Variants in LINGO1 observed in about 807,000 individuals in gnomAD.
LINGO1 encodes the protein leucine rich repeat and Ig domain containing 1, also known as leucine-rich repeat and immunoglobulin-like domain-containing nogo receptor-interacting protein 1.
LINGO1 carries 11 observed loss-of-function variants against 37.3 expected under a neutral mutation model. The observed-to-expected ratio is 0.29, with a 90% CI of 0.19 to 0.49. The LOEUF is 0.49. Ranked by LOEUF, LINGO1 falls within the 20% of genes least tolerant of loss-of-function variation. The pLI is 0.99. For missense variants in LINGO1, 585 were observed against 878.2 expected, an observed-to-expected ratio of 0.67 and a Z score of 4.22; for synonymous variants, 387 against 403.0, an observed-to-expected ratio of 0.96 and a Z score of 0.48.
Position 77,615,606 on chromosome 15 carries a change from C to G in LINGO1, c.301G>C (p.Glu101Gln). The stretch of plus-strand genomic sequence containing the variant: ...GCGCTCACGATGTTCTCGTTGAGCT[C>G]CAGCTCCTCCAGGTGCGGGAAGCTG... ...FASFPHLEELELNENIVSAVE... is the reference protein window; with the variant it reads ...FASFPHLEELQLNENIVSAVE... The change falls in exon 2 of 2, where the codon GAG (glutamate) becomes CAG (glutamine). Residue 101 changes from glutamate to glutamine, a missense_variant. This residue lies in a region of LINGO1 where 484 missense variants were observed against 735.0 expected (regional missense o/e 0.66). Coordinates refer to ENST00000355300, the MANE Select transcript of LINGO1 (RefSeq NM_032808.7). 6.2e-7 allele frequency: 1 copy of G among 1,611,468 alleles called. No homozygotes were observed. The highest frequency in any genetic ancestry group is 8.5e-7 in the Non-Finnish European group (1 of 1,178,880).
intron 1 of LINGO1, among the ~76,000 whole-genome samples, chr15:77,755,823 T>C (rs1481095027): frequency 6.6e-6 from 1 of 152,188 alleles, no homozygotes; most frequent in Non-Finnish European, 1.5e-5. Flanking sequence ...TCCCACCTCC[T>C]TCCCGATGCC....
intron 1 of LINGO1, among the ~76,000 whole-genome samples, chr15:77,783,446 G>A (rs2076740827): frequency 6.6e-6 from 1 of 152,110 alleles, no homozygotes; most frequent in African/African-American, 2.4e-5. Flanking sequence ...ACCTTGGTAG[G>A]GCCTCAGCAC....
intron 1 of LINGO1, among the ~76,000 whole-genome samples, chr15:77,804,980 C>G (rs1021754605): frequency 1.3e-5 from 2 of 151,902 alleles, no homozygotes; most frequent in African/African-American, 4.9e-5. Context: ...TCAGTGCCCA[C>G]CCCCCCAACT....
chr15:77,808,027 G>C (rs1028479221), intron 1 of LINGO1, among the ~76,000 whole-genome samples: 2 of 152,108 alleles, frequency 1.3e-5, no homozygotes, highest in Non-Finnish European at 2.9e-5. Flanking sequence ...CAAAGATAAG[G>C]AGATGAGCCT....
At chr15:77,769,497 A>G (rs2076562623) in intron 1 of LINGO1, among the ~76,000 whole-genome samples, 2 of 152,204 alleles carry the variant, frequency 1.3e-5, no homozygotes, top group South Asian at 4.1e-4. Context: ...CCAGGGAGTG[A>G]GAAGGCACGT....
chr15:77,782,927 G>C (rs1047288245), intron 1 of LINGO1, among the ~76,000 whole-genome samples: 3 of 151,902 alleles, frequency 2.0e-5, no homozygotes, highest in African/African-American at 4.8e-5. Context: ...TCCTCAGCAG[G>C]GCGGCTAAGG....
At chr15:77,626,824 A>G (rs1228530604) in intron 1 of LINGO1, among the ~76,000 whole-genome samples, 2 of 152,162 alleles carry the variant, frequency 1.3e-5, no homozygotes, top group African/African-American at 4.8e-5. Context: ...GAGGCATGCA[A>G]GCTGAGACCA....
chr15:77,749,056 C>T (rs540346377), intron 1 of LINGO1, among the ~76,000 whole-genome samples: 2 of 151,764 alleles, frequency 1.3e-5, no homozygotes, highest in African/African-American at 4.8e-5. Flanking sequence ...TACAGGCGCA[C>T]ACTACCACGC....
intron 2 of LINGO1, among the ~76,000 whole-genome samples, chr15:77,690,033 G>A (rs2075576394): frequency 6.6e-6 from 1 of 152,140 alleles, no homozygotes; most frequent in African/African-American, 2.4e-5. Flanking sequence ...ATTTGTCTGA[G>A]GATACACAGC....
At chr15:77,624,572 C>A (rs1358772296) in intron 1 of LINGO1, among the ~76,000 whole-genome samples, 1 of 152,228 alleles carries the variant, frequency 6.6e-6, no homozygotes, top group Non-Finnish European at 1.5e-5. Flanking sequence ...GTCAGAGCAT[C>A]TTAGTGTTTA....
chr15:77,794,462 A>G, intron 2 of LINGO1, among the ~76,000 whole-genome samples: 1 of 79,408 alleles, frequency 1.3e-5, no homozygotes, highest in Non-Finnish European at 2.5e-5. Flanking sequence ...ATATGTGTAT[A>G]TACATACGTA....
chr15:77,676,068 G>A (rs947801060), intron 3 of LINGO1, among the ~76,000 whole-genome samples: 12 of 152,258 alleles, frequency 7.9e-5, no homozygotes, highest in African/African-American at 2.2e-4. Context: ...GAGGGGGGAA[G>A]ACGAGGAACC....
chr15:77,691,331 G>A (rs2075599792), intron 1 of LINGO1, among the ~76,000 whole-genome samples: 1 of 152,180 alleles, frequency 6.6e-6, no homozygotes, highest in South Asian at 2.1e-4. Flanking sequence ...AGGTCACACA[G>A]TGAGAGGGTG....
chr15:77,647,640 G>A (rs1002774419), intron 3 of LINGO1, among the ~76,000 whole-genome samples: 3 of 152,192 alleles, frequency 2.0e-5, no homozygotes, highest in African/African-American at 7.2e-5. Flanking sequence ...GTCAGAGCAG[G>A]GGCTGGGTCA....
At chr15:77,641,233 G>A (rs889568326) in intron 3 of LINGO1, among the ~76,000 whole-genome samples, 6 of 152,222 alleles carry the variant, frequency 3.9e-5, no homozygotes, top group African/African-American at 1.4e-4. Flanking sequence ...CGCCCAGGTA[G>A]GGTGGCTGCC....
chr15:77,751,810 C>T (rs1363562559), intron 1 of LINGO1, among the ~76,000 whole-genome samples: 3 of 152,284 alleles, frequency 2.0e-5, no homozygotes, highest in African/African-American at 7.2e-5. Flanking sequence ...GGGTGGAGAG[C>T]AGGATACTTG....
intron 2 of LINGO1, among the ~76,000 whole-genome samples, chr15:77,702,538 C>T (rs1209739569): frequency 6.6e-6 from 1 of 152,186 alleles, no homozygotes; most frequent in Admixed American, 6.5e-5. Flanking sequence ...GCACAACATG[C>T]CATGGCCTTC....
At chr15:77,733,256 G>A (rs536613416) in intron 2 of LINGO1, among the ~76,000 whole-genome samples, 302 of 152,342 alleles carry the variant, frequency 2.0e-3, no homozygotes, top group African/African-American at 7.0e-3. Context: ...CGAGCAGAGG[G>A]GGCTGTTAGT....
chr15:77,799,199 C>A (rs568831367), intron 1 of LINGO1, among the ~76,000 whole-genome samples: 3 of 152,188 alleles, frequency 2.0e-5, no homozygotes, highest in Non-Finnish European at 2.9e-5. Context: ...TTGTTAAGTA[C>A]CTACCATGTG....
Sources: allele counts gnomAD v4.1 joint callset (sites outside exome capture counted in the v4.1 genomes callset), GRCh38; gene constraint gnomAD v4.1.1; regional missense constraint gnomAD v4.1.1; transcripts MANE v1.5; gene names NCBI Gene and HGNC (gene_info 2026-07-23, HGNC 2026-07-21).